SP6: variants seen among roughly 807,000 people sequenced by gnomAD.
SP6 encodes the protein Sp6 transcription factor, also known as transcription factor Sp6.
SP6 carries 10 observed loss-of-function variants against 23.4 expected under a neutral mutation model. The ratio of observed to expected loss-of-function variants is 0.43; its 90% CI spans 0.26 to 0.72. The LOEUF is 0.72. Ranked by LOEUF, SP6 falls within the 30% of genes least tolerant of loss-of-function variation. SP6 has a pLI of 0.23. For missense variants in SP6, 482 were observed against 523.8 expected (o/e 0.92, Z 0.78); for synonymous variants, 238 against 238.7 (o/e 1.00, Z 0.03).
chr17:47,873,742 C>T, the SP6 span, among the ~76,000 whole-genome samples: 1 of 152,142 alleles, frequency 6.6e-6, no homozygotes, highest in Non-Finnish European at 1.5e-5. Flanking sequence ...CACTCTCTGC[C>T]TCAGGCCAAC....
intron 1 of SP6, among the ~76,000 whole-genome samples, chr17:47,849,357 C>G (rs2033932061): frequency 6.6e-6 from 1 of 152,194 alleles, no homozygotes; most frequent in South Asian, 2.1e-4. Context: ...TGACAGCAAG[C>G]TCTGGAAGAT....
the SP6 span, among the ~76,000 whole-genome samples, chr17:47,868,939 C>T: frequency 3.9e-5 from 6 of 152,204 alleles, no homozygotes; most frequent in South Asian, 2.1e-4. Context: ...GTCAGCAGGG[C>T]GCTCTGGGTG....
At chr17:47,868,699 C>A in the SP6 span, among the ~76,000 whole-genome samples, 1 of 152,166 alleles carries the variant, frequency 6.6e-6, no homozygotes, top group African/African-American at 2.4e-5. Flanking sequence ...TTCCAAGGAG[C>A]CAGGGCCACT....
chr17:47,868,900 G>A, the SP6 span, among the ~76,000 whole-genome samples: 5 of 152,342 alleles, frequency 3.3e-5, no homozygotes, highest in South Asian at 4.1e-4. Context: ...ATGAAAGGGC[G>A]TCTTTGAAAG....
the SP6 span, among the ~76,000 whole-genome samples, chr17:47,868,436 T>C: frequency 6.6e-6 from 1 of 152,148 alleles, no homozygotes; most frequent in Admixed American, 6.5e-5. Flanking sequence ...GACCCAAGTC[T>C]TGGAAGCCAC....
chr17:47,851,718 C>T (rs2033958599), upstream of SP6, among the ~76,000 whole-genome samples: 2 of 148,562 alleles, frequency 1.3e-5, no homozygotes, highest in South Asian at 4.3e-4. Flanking sequence ...CCCCCGACCC[C>T]CGTCCCCTGC....
Position 47,847,751 on chromosome 17 carries a change from C to A in SP6, c.679G>T (p.Val227Phe). 6.3e-7 allele frequency: 1 copy of A among 1,579,962 alleles called. No individual in the cohort carries two copies. The highest frequency in any genetic ancestry group is 1.2e-5 in the South Asian group (1 of 86,112). ...RSVPRSSGQT[V>F]CRCPNCLEAE... ...TCCAGACAGTTGGGGCAGCGACAGA[C>A]GGTCTGGCCTGAGCTGCGGGGCACC... The change falls in exon 2 of 2, where the codon GTC becomes TTC. Residue 227 changes from valine (V) to phenylalanine (F), a missense_variant. Physicochemically the swap from Val to Phe is conservative, Grantham distance 50 (BLOSUM62 -1). This residue lies in a region of SP6 where 330 missense variants were observed against 332.3 expected (regional missense o/e 0.99). Coordinates refer to ENST00000536300, the MANE Select transcript of SP6 (RefSeq NM_001258248.2).
chr17:47,860,948 G>A, the SP6 span, among the ~76,000 whole-genome samples: 5 of 152,128 alleles, frequency 3.3e-5, no homozygotes, highest in Non-Finnish European at 5.9e-5. Flanking sequence ...CCACCAACCC[G>A]CAGCCAGGGT....
Position 47,846,975 on chromosome 17 carries a change from T to G in SP6, c.*324A>C. 1 of 293,298 alleles carries G rather than the reference T, an allele frequency of 3.4e-6. No homozygotes were observed. The highest frequency in any genetic ancestry group is 4.8e-5 in the Admixed American group (1 of 20,850). The allele number at this position is 293,298 out of a possible 1,614,324, so 18.2% of individuals were successfully genotyped here. On this transcript the variant is annotated 3_prime_UTR_variant, in exon 2 of 2. Coordinates refer to ENST00000536300, the MANE Select transcript of SP6 (RefSeq NM_001258248.2). Reference sequence around the variant, plus strand: ...GCTCCGGGGACTGGGACTTGCTGTCTCCTCTAGCCTGTCCCCGCCAGCCAG... The same window carrying G: ...GCTCCGGGGACTGGGACTTGCTGTCGCCTCTAGCCTGTCCCCGCCAGCCAG...
chr17:47,863,764 A>G, the SP6 span, among the ~76,000 whole-genome samples: 6 of 101,322 alleles, frequency 5.9e-5, no homozygotes, highest in Admixed American at 1.2e-4. Context: ...TTTGAGATGG[A>G]GTCTCGCTCT....
upstream of SP6, among the ~76,000 whole-genome samples, chr17:47,852,136 T>G (rs370851898): frequency 3.3e-5 from 5 of 152,224 alleles, no homozygotes; most frequent in African/African-American, 1.2e-4. Context: ...CATTCCTTTC[T>G]AATTCTCACC....
the SP6 span, among the ~76,000 whole-genome samples, chr17:47,861,793 C>G: frequency 2.0e-5 from 3 of 152,040 alleles, no homozygotes; most frequent in Non-Finnish European, 4.4e-5. Context: ...CACCTATAAT[C>G]CTGGCACTTT....
chr17:47,851,690 C>A (rs1206883419), upstream of SP6, among the ~76,000 whole-genome samples: 1 of 151,668 alleles, frequency 6.6e-6, no homozygotes, highest in African/African-American at 2.4e-5. Context: ...TGGCTGCCCT[C>A]CTTCGCCATT....
chr17:47,850,875 T>A (rs2033946862), intron 1 of SP6, 44 bp downstream of exon 1: 1 of 152,202 alleles, frequency 6.6e-6, no homozygotes, highest in African/African-American at 2.4e-5. Context: ...TTCGAGACAA[T>A]CTCCGTAGCG....
Position 47,845,510 on chromosome 17 carries a change from C to T in SP6, c.*1789G>A, listed in dbSNP as rs2033875502. 1 of 152,484 alleles carries T rather than the reference C, an allele frequency of 6.6e-6. No homozygotes were observed. The highest frequency in any genetic ancestry group is 2.4e-5 in the African/African-American group (1 of 41,412). The allele number at this position is 152,484 out of a possible 1,614,324, so 9.4% of individuals were successfully genotyped here. A position where few individuals can be genotyped will look rare whatever the true frequency, so the allele number is the denominator to read the frequency against. On this transcript the variant is annotated 3_prime_UTR_variant, in exon 2 of 2. Transcript: ENST00000536300. ...TAAGGAGGGCCCCTTTGTATACAAA[C>T]ACATATTCCCACCCAGATCCCAGCC...
chr17:47,851,808 G>A (rs1366748169), upstream of SP6, among the ~76,000 whole-genome samples: 1 of 150,484 alleles, frequency 6.6e-6, no homozygotes, highest in Non-Finnish European at 1.5e-5. Flanking sequence ...CCCTTCCGGG[G>A]TATCCCTCTC....
In SP6 at chr17:47,848,496, G is replaced by C; in HGVS notation, c.-57-10C>G. Reference sequence around the variant, plus strand: ...GCACCTCAGACGGGACCTAAAGGAGGCGAAGAAGCAGAAAAGTAAGGGAAA... The same window carrying C: ...GCACCTCAGACGGGACCTAAAGGAGCCGAAGAAGCAGAAAAGTAAGGGAAA... On this transcript the variant is annotated splice_polypyrimidine_tract_variant and intron_variant, in intron 1 of 1. Coordinates refer to ENST00000536300, the MANE Select transcript of SP6 (RefSeq NM_001258248.2). The surrounding 1 kb of genome is among the most constrained non-coding windows in gnomAD (Gnocchi z 5.3). 1 of 1,392,308 alleles carries C rather than the reference G, an allele frequency of 7.2e-7. No homozygotes were observed. Among genetic ancestry groups the C allele is most frequent in the Non-Finnish European group, 9.5e-7 (1 of 1,048,944 alleles). 86.2% of individuals were successfully genotyped at this position (1,392,308 alleles called of 1,614,324 possible).
chr17:47,850,262 G>A (rs1015827271), intron 1 of SP6, among the ~76,000 whole-genome samples: 1 of 152,178 alleles, frequency 6.6e-6, no homozygotes, highest in African/African-American at 2.4e-5. Flanking sequence ...GCAATGGCCT[G>A]CTACCAAGAT....
Position 47,846,966 on chromosome 17 carries a change from C to T in SP6, c.*333G>A, listed in dbSNP as rs1044714529. ...CTTCTCTCTGCTCCGGGGACTGGGA[C>T]TTGCTGTCTCCTCTAGCCTGTCCCC... is the stretch of plus-strand genomic sequence containing the variant. On this transcript the variant is annotated 3_prime_UTR_variant, in exon 2 of 2. Transcript: ENST00000536300. 20 of 276,166 alleles carry T rather than the reference C, an allele frequency of 7.2e-5. No homozygotes were observed. The highest frequency in any genetic ancestry group is 2.0e-5 in the Non-Finnish European group (3 of 147,842). 17.1% of individuals were successfully genotyped at this position (276,166 alleles called of 1,614,324 possible).
Sources: allele counts gnomAD v4.1 joint callset (sites outside exome capture counted in the v4.1 genomes callset), GRCh38; gene constraint gnomAD v4.1.1; regional missense constraint gnomAD v4.1.1; non-coding constraint Gnocchi (gnomAD v3.1); transcripts MANE v1.5; gene names NCBI Gene and HGNC (gene_info 2026-07-23, HGNC 2026-07-21).